The following RBFOX1 variants were observed in gnomAD, a reference collection of about 807,000 sequenced individuals.
RBFOX1 encodes the protein RNA binding protein fox-1 homolog 1.
In RBFOX1, 8 loss-of-function variants were observed where a neutral mutation model predicts 57.7. The ratio of observed to expected loss-of-function variants is 0.14; its 90% CI spans 0.08 to 0.25. RBFOX1 has a LOEUF of 0.25. Among genes scored for constraint, RBFOX1 ranks in the 10% least tolerant of loss-of-function variants. The pLI is 1.00. For missense variants in RBFOX1, 611 were observed against 548.5 expected (o/e 1.11, Z -1.14); for synonymous variants, 326 against 222.4 (o/e 1.47, Z -4.15).
chr16:5,969,696 C>G (rs2059925572), intron 4 of RBFOX1, among the ~76,000 whole-genome samples: 1 of 151,980 alleles, frequency 6.6e-6, no homozygotes, highest in Admixed American at 6.6e-5. Context: ...AGAGCTCCCT[C>G]TTTTGTTGTT....
chr16:5,829,636 A>G (rs976982758), intron 3 of RBFOX1, among the ~76,000 whole-genome samples: 1 of 151,836 alleles, frequency 6.6e-6, no homozygotes, highest in Admixed American at 6.6e-5. Flanking sequence ...CCTGCTCATG[A>G]TCTCCCATGG....
intron 1 of RBFOX1, among the ~76,000 whole-genome samples, chr16:5,288,335 A>T (rs1449208204): frequency 6.6e-6 from 1 of 152,176 alleles, no homozygotes; most frequent in Admixed American, 6.5e-5. Context: ...CTGTGAGCTT[A>T]TGAGCTGTGT....
intron 2 of RBFOX1, among the ~76,000 whole-genome samples, chr16:6,521,545 T>C (rs903517607): frequency 1.4e-5 from 2 of 142,168 alleles, no homozygotes; most frequent in Non-Finnish European, 3.0e-5. Flanking sequence ...TCTCCTCTCC[T>C]CTCCTTCCCT....
intron 3 of RBFOX1, among the ~76,000 whole-genome samples, chr16:6,699,993 A>G (rs551849311): frequency 2.6e-4 from 40 of 152,190 alleles, no homozygotes; most frequent in Non-Finnish European, 4.6e-4. Flanking sequence ...GCTAGCTGAC[A>G]TACATGTTTT....
At chr16:6,350,444 G>GAAAAAAA (rs569363563) in intron 2 of RBFOX1, among the ~76,000 whole-genome samples, 9 of 74,618 alleles carry the variant, frequency 1.2e-4, no homozygotes, top group East Asian at 5.1e-4. Context: ...TCTGTCTCAA[G>GAAAAAAA]AAAAAAAAAA....
At chr16:6,682,666 ACT>A (rs1398326365) in intron 3 of RBFOX1, among the ~76,000 whole-genome samples, 1 of 151,468 alleles carries the variant, frequency 6.6e-6, no homozygotes, top group Non-Finnish European at 1.5e-5. Context: ...ACCAAAAATG[ACT>A]CTAGATGCCG....
intron 4 of RBFOX1, among the ~76,000 whole-genome samples, chr16:7,245,422 T>C (rs551320227): frequency 4.1e-4 from 62 of 150,338 alleles, no homozygotes; most frequent in African/African-American, 1.5e-3. Flanking sequence ...TATCAACCCG[T>C]CACCTAGTAT....
intron 1 of RBFOX1, among the ~76,000 whole-genome samples, chr16:5,248,865 A>C (rs930488092): frequency 6.6e-6 from 1 of 151,906 alleles, no homozygotes; most frequent in African/African-American, 2.4e-5. Context: ...GTGGACACCT[A>C]TAATCCCAGC....
At position 7,335,724 on chromosome 16, in the gene RBFOX1, G is replaced by A. The variant is rs543948030; in HGVS notation, c.28-182423G>A. 2.0e-4 allele frequency among the ~76,000 whole-genome samples: 31 copies of A among 152,202 alleles called. 1 individual carries two copies. In the South Asian group the frequency reaches 6.2e-3, roughly 31 times the overall value. On this transcript the variant is annotated intron_variant, in intron 4 of 15. Transcript: ENST00000550418. ...TAGCTTCAGGAAAGTTACTCATACA[G>A]GATCTTTTATTCCAAGCAATAATTG...
chr16:6,769,976 A>C (rs893288418), intron 3 of RBFOX1, among the ~76,000 whole-genome samples: 1 of 152,172 alleles, frequency 6.6e-6, no homozygotes, highest in Non-Finnish European at 1.5e-5. Context: ...TGCAGGCTAC[A>C]GGTCCTTTAT....
At chr16:7,091,603 G>C (rs1020499720) in intron 4 of RBFOX1, among the ~76,000 whole-genome samples, 2 of 152,006 alleles carry the variant, frequency 1.3e-5, no homozygotes, top group African/African-American at 2.4e-5. Context: ...CCCAGAGTGT[G>C]TTACACTTGG....
At chr16:5,646,268 G>T (rs148740132) in intron 3 of RBFOX1, among the ~76,000 whole-genome samples, 3 of 148,584 alleles carry the variant, frequency 2.0e-5, no homozygotes, top group African/African-American at 7.4e-5. Context: ...CTTGTGATCC[G>T]CCTTCCTCGG....
intron 5 of RBFOX1, among the ~76,000 whole-genome samples, chr16:7,521,529 A>G (rs2077509328): frequency 6.6e-6 from 1 of 152,176 alleles, no homozygotes; most frequent in Admixed American, 6.5e-5. Flanking sequence ...GATCAACACA[A>G]TTGAATTTAA....
chr16:6,029,438 TA>T (rs1170390053), intron 1 of RBFOX1, among the ~76,000 whole-genome samples: 1 of 152,198 alleles, frequency 6.6e-6, no homozygotes, highest in East Asian at 1.9e-4. Flanking sequence ...GAGGATAGAC[TA>T]TTTAAAGTTT....
intron 3 of RBFOX1, among the ~76,000 whole-genome samples, chr16:5,626,289 G>A (rs1260813156): frequency 6.6e-6 from 1 of 152,188 alleles, no homozygotes; most frequent in Admixed American, 6.5e-5. Flanking sequence ...TTCTTCTGCA[G>A]CCTCCCTCCT....
At chr16:6,369,088 A>G (rs959199237) in intron 2 of RBFOX1, among the ~76,000 whole-genome samples, 14 of 152,198 alleles carry the variant, frequency 9.2e-5, no homozygotes, top group Middle Eastern at 3.2e-3. Context: ...GTATATATAC[A>G]TGTATGTATG....
intron 1 of RBFOX1, among the ~76,000 whole-genome samples, chr16:6,023,533 T>C (rs570689057): frequency 3.2e-4 from 48 of 152,266 alleles, no homozygotes; most frequent in African/African-American, 1.1e-3. Flanking sequence ...AGCTGATGTG[T>C]GGAGTAATGA....
chr16:6,087,747 G>T (rs2096109649), intron 1 of RBFOX1, among the ~76,000 whole-genome samples: 3 of 151,838 alleles, frequency 2.0e-5, no homozygotes, highest in Non-Finnish European at 2.9e-5. Flanking sequence ...GTGTCTCCTG[G>T]GTTCAAGCAA....
At chr16:7,571,664 G>A (rs138533318) in intron 5 of RBFOX1, among the ~76,000 whole-genome samples, 1,733 of 152,238 alleles carry the variant, frequency 0.011, 15 homozygotes, top group Middle Eastern at 0.027. Flanking sequence ...CACTGGGCCC[G>A]GGTAGAAGCT....
Sources: gnomAD v4.1 joint callset for allele counts (sites outside exome capture counted in the v4.1 genomes callset) on GRCh38, gnomAD v4.1.1 for gene constraint, MANE v1.5 for transcripts, NCBI Gene and HGNC (gene_info 2026-07-23, HGNC 2026-07-21) for gene names.